The following ASPH variants were observed in gnomAD, a reference collection of about 807,000 sequenced individuals.
ASPH encodes the protein aspartyl/asparaginyl beta-hydroxylase.
Under a neutral mutation model 118.4 loss-of-function variants are expected in ASPH, and 100 were observed. That is an observed-to-expected ratio of 0.84 (90% CI 0.72 to 1.00). The LOEUF (loss-of-function observed/expected upper bound fraction) is 1.00, where lower values mean the gene tolerates loss of function less well. Ranked by LOEUF, ASPH falls within the 50% of genes least tolerant of loss-of-function variation. ASPH has a pLI of 0.00. For synonymous variants in ASPH, 315 were observed against 325.6 expected (o/e 0.97, Z 0.35); for missense variants, 920 against 919.5 (o/e 1.00, Z -0.01).
intron 21 of ASPH, among the ~76,000 whole-genome samples, chr8:61,527,686 CG>C (rs988644116): frequency 5.3e-5 from 8 of 152,058 alleles, no homozygotes; most frequent in Non-Finnish European, 8.8e-5. Flanking sequence ...GGAAGGGTGG[CG>C]GGGGGAAGGA....
chr8:61,668,630 G>T (rs7842421), intron 3 of ASPH, among the ~76,000 whole-genome samples: 71,601 of 151,764 alleles, frequency 0.47, 17,193 homozygotes, highest in Middle Eastern at 0.53. Context: ...AAAAATACTA[G>T]AGTGAAGGAC....
At chr8:61,646,156 C>T (rs1238822155) in intron 6 of ASPH, among the ~76,000 whole-genome samples, 1 of 152,138 alleles carries the variant, frequency 6.6e-6, no homozygotes, top group Non-Finnish European at 1.5e-5. Flanking sequence ...CTGCACTTAC[C>T]AGCCATGTTG....
At chr8:61,644,497 ATTAAT>A (rs1336847753) in intron 7 of ASPH, 98 bp downstream of exon 7, 43 of 759,232 alleles carry the variant, frequency 5.7e-5, no homozygotes, top group Non-Finnish European at 7.7e-5. Context: ...TCTTGCATAT[ATTAAT>A]TTAAATATAT....
At chr8:61,611,808 G>A (rs1376600998) in intron 14 of ASPH, among the ~76,000 whole-genome samples, 1 of 152,148 alleles carries the variant, frequency 6.6e-6, no homozygotes, top group African/African-American at 2.4e-5. Context: ...GCAATTAAAA[G>A]CCAAAAATCC....
At chr8:61,653,051 T>C (rs1234760074) in intron 4 of ASPH, among the ~76,000 whole-genome samples, 1 of 152,202 alleles carries the variant, frequency 6.6e-6, no homozygotes, top group Non-Finnish European at 1.5e-5. Context: ...CCTATAGTCA[T>C]AGGCTTTGGG....
intron 3 of ASPH, chr8:61,663,168 G>T: frequency 3.0e-6 from 3 of 985,360 alleles, no homozygotes; most frequent in Non-Finnish European, 3.6e-6. Flanking sequence ...TGGGGGACAT[G>T]TTCTGCTTCT....
intron 14 of ASPH, among the ~76,000 whole-genome samples, chr8:61,602,461 G>A (rs1844290951): frequency 6.6e-6 from 1 of 151,380 alleles, no homozygotes; most frequent in African/African-American, 2.5e-5. Context: ...ATCTGAGAAT[G>A]AGCATCTATG....
At chr8:61,640,182 T>C (rs142979148) in intron 10 of ASPH, among the ~76,000 whole-genome samples, 1 of 152,262 alleles carries the variant, frequency 6.6e-6, no homozygotes, top group Admixed American at 6.5e-5. Context: ...TTCTTGAAAC[T>C]CATCTCCTTT....
chr8:61,561,067 GAAGGGAGA>G (rs1829648249), intron 18 of ASPH, among the ~76,000 whole-genome samples: 1 of 126,852 alleles, frequency 7.9e-6, no homozygotes, highest in African/African-American at 3.0e-5. Context: ...AGGAACGAAG[GAAGGGAGA>G]GAGGGAGGGA....
At chr8:61,710,748 GA>G (rs1474388483) in intron 1 of ASPH, among the ~76,000 whole-genome samples, 1 of 152,150 alleles carries the variant, frequency 6.6e-6, no homozygotes, top group Admixed American at 6.5e-5. Flanking sequence ...TTTGGCTAAA[GA>G]AAGAAAATTT....
At chr8:61,628,943 C>T (rs952964664) in intron 13 of ASPH, among the ~76,000 whole-genome samples, 1 of 152,152 alleles carries the variant, frequency 6.6e-6, no homozygotes, top group African/African-American at 2.4e-5. Context: ...GGAATATTAG[C>T]TACTAAGAAT....
intron 22 of ASPH, among the ~76,000 whole-genome samples, chr8:61,523,312 C>CTTTT (rs1813850329): frequency 6.9e-6 from 1 of 143,970 alleles, no homozygotes; most frequent in Non-Finnish European, 1.5e-5. Flanking sequence ...TATTTTCTTT[C>CTTTT]TTTCTTTCTT....
At chr8:61,568,610 G>A (rs1415271167) in intron 16 of ASPH, among the ~76,000 whole-genome samples, 1 of 152,186 alleles carries the variant, frequency 6.6e-6, no homozygotes, top group Non-Finnish European at 1.5e-5. Context: ...GGAGGTCAGA[G>A]TAAGAGAAGT....
At chr8:61,601,434 A>T (rs1843942232) in intron 14 of ASPH, among the ~76,000 whole-genome samples, 2 of 150,808 alleles carry the variant, frequency 1.3e-5, no homozygotes, top group South Asian at 4.2e-4. Flanking sequence ...CCAGCTACTC[A>T]GGAGGCTGAA....
intron 21 of ASPH, among the ~76,000 whole-genome samples, chr8:61,536,082 C>T (rs942021585): frequency 2.0e-5 from 3 of 150,732 alleles, no homozygotes; most frequent in Non-Finnish European, 3.0e-5. Context: ...CTCTGTCACC[C>T]AGGCTGGAGT....
chr8:61,581,337 G>T lies in ASPH; in HGVS notation c.1062+2607C>A, dbSNP rs543406426. Among the ~76,000 whole-genome samples the T allele has an allele frequency of 2.0e-5, 3 of 152,306 alleles. No individual in the cohort carries two copies. The South Asian group carries it at 6.2e-4, about 32-fold the overall frequency. On this transcript the variant is annotated intron_variant, in intron 15 of 24. Transcript: ENST00000379454. ...CAAGACACAAAATGTTTGAAGAATT[G>T]CCTGAAAATGATCTGTTCCTCAACA...
At chr8:61,603,907 G>T (rs1844838989) in intron 14 of ASPH, among the ~76,000 whole-genome samples, 1 of 152,236 alleles carries the variant, frequency 6.6e-6, no homozygotes, top group Non-Finnish European at 1.5e-5. Context: ...TTGAGGCACA[G>T]ATCTAATTTG....
chr8:61,655,304 ACTC>A (rs1468524985), intron 3 of ASPH, among the ~76,000 whole-genome samples: 2 of 151,886 alleles, frequency 1.3e-5, no homozygotes, highest in Non-Finnish European at 1.5e-5. Flanking sequence ...GTACTTCTCT[ACTC>A]CTATGTACCA....
At chr8:61,675,840 C>T (rs1825002933) in intron 3 of ASPH, 2 of 1,322,920 alleles carry the variant, frequency 1.5e-6, no homozygotes, top group Admixed American at 3.5e-5. Context: ...TTTCAGTGTA[C>T]TTTGTAGCTG....
Sources: allele counts gnomAD v4.1 joint callset (sites outside exome capture counted in the v4.1 genomes callset), GRCh38; gene constraint gnomAD v4.1.1; transcripts MANE v1.5; gene names NCBI Gene and HGNC (gene_info 2026-07-23, HGNC 2026-07-21).